Variants in IMMP2L observed in about 807,000 individuals in gnomAD.
The protein encoded by IMMP2L is mitochondrial inner membrane protease subunit 2.
A neutral mutation model predicts 19.3 loss-of-function variants in IMMP2L; 18 were observed. The observed-to-expected ratio is 0.93, with a 90% CI of 0.64 to 1.38. IMMP2L has a LOEUF of 1.38. IMMP2L is among the 40% of genes most tolerant of loss of function. The pLI, the probability that IMMP2L is intolerant of heterozygous loss-of-function variation, is 0.00. For missense variants in IMMP2L, 233 were observed against 218.2 expected (o/e 1.07, Z -0.43); for synonymous variants, 76 against 73.0 (o/e 1.04, Z -0.21).
intron 3 of IMMP2L, among the ~76,000 whole-genome samples, chr7:111,006,704 T>C (rs1011367246): frequency 3.9e-5 from 6 of 152,146 alleles, no homozygotes; most frequent in African/African-American, 9.7e-5. Flanking sequence ...CCTCCTTCTC[T>C]GAACCACTGC....
chr7:111,006,406 T>C (rs1177379045), intron 3 of IMMP2L, among the ~76,000 whole-genome samples: 1 of 152,208 alleles, frequency 6.6e-6, no homozygotes, highest in African/African-American at 2.4e-5. Context: ...CATAGACGCA[T>C]AGACTTTTAA....
At chr7:110,740,145 C>T (rs1796903137) in intron 5 of IMMP2L, among the ~76,000 whole-genome samples, 1 of 152,034 alleles carries the variant, frequency 6.6e-6, no homozygotes. Flanking sequence ...AAGGTCACAC[C>T]TCACAAAACT....
chr7:110,844,902 G>C (rs1805520294), intron 5 of IMMP2L, among the ~76,000 whole-genome samples: 1 of 151,910 alleles, frequency 6.6e-6, no homozygotes, highest in South Asian at 2.1e-4. Context: ...TGGAGTCAAA[G>C]TGCAATTAAG....
intron 3 of IMMP2L, among the ~76,000 whole-genome samples, chr7:111,243,518 T>TA (rs1198494918): frequency 1.9e-4 from 29 of 150,498 alleles, no homozygotes; most frequent in Non-Finnish European, 3.5e-4. Flanking sequence ...TGCTTTATTT[T>TA]TTTTTTTTTT....
At chr7:111,258,947 G>T (rs542000815) in intron 3 of IMMP2L, among the ~76,000 whole-genome samples, 1 of 152,222 alleles carries the variant, frequency 6.6e-6, no homozygotes, top group South Asian at 2.1e-4. Context: ...ATTATGTGAA[G>T]TGTACTTACA....
chr7:110,980,406 T>C (rs2129557931), intron 3 of IMMP2L, among the ~76,000 whole-genome samples: 1 of 151,848 alleles, frequency 6.6e-6, no homozygotes, highest in East Asian at 1.9e-4. Context: ...TTTTTTGTAT[T>C]TTTAGTAGAG....
At chr7:111,488,289 G>A (rs1056331946) in intron 2 of IMMP2L, among the ~76,000 whole-genome samples, 6 of 151,992 alleles carry the variant, frequency 3.9e-5, no homozygotes, top group Admixed American at 6.6e-5. Flanking sequence ...CCCATCACCC[G>A]AGCAACGTAC....
intron 3 of IMMP2L, among the ~76,000 whole-genome samples, chr7:111,224,099 C>G (rs1269694986): frequency 6.6e-6 from 1 of 152,048 alleles, no homozygotes; most frequent in Non-Finnish European, 1.5e-5. Flanking sequence ...CAACCCACTT[C>G]CCCCTCTCTC....
rs1179760098 is a variant in IMMP2L at position 110,805,026 on chromosome 7, C to T, written c.408+81567G>A. Among the ~76,000 whole-genome samples the T allele has an allele frequency of 2.6e-5, 4 of 152,092 alleles. No homozygotes were observed. The East Asian group carries it at 7.7e-4, about 29-fold the overall frequency. On this transcript the variant is annotated intron_variant, in intron 5 of 5. Transcript: ENST00000405709. ...ATCACCAGTGATGTCCTTCACGATACTGAACTGCCTGGAAAAAATTGACTT... is the reference window on the plus strand; with the variant it reads ...ATCACCAGTGATGTCCTTCACGATATTGAACTGCCTGGAAAAAATTGACTT...
At chr7:110,919,489 T>C (rs1814008834) in intron 4 of IMMP2L, among the ~76,000 whole-genome samples, 1 of 152,188 alleles carries the variant, frequency 6.6e-6, no homozygotes, top group Non-Finnish European at 1.5e-5. Context: ...TTCAGGATCA[T>C]TTACATTTAA....
At chr7:110,973,905 A>G (rs1281164964) in intron 3 of IMMP2L, among the ~76,000 whole-genome samples, 1 of 152,090 alleles carries the variant, frequency 6.6e-6, no homozygotes, top group Non-Finnish European at 1.5e-5. Flanking sequence ...AACTTTCTTT[A>G]AAGAAAGAGT....
chr7:111,360,746 AAGTCAAGGCTGC>A (rs1463381790), intron 3 of IMMP2L, among the ~76,000 whole-genome samples: 3 of 152,114 alleles, frequency 2.0e-5, no homozygotes, highest in Non-Finnish European at 4.4e-5. Flanking sequence ...TGAGCCCAGG[AAGTCAAGGCTGC>A]AGTGAGCTAT....
chr7:111,104,179 C>G (rs1272458117), intron 3 of IMMP2L, among the ~76,000 whole-genome samples: 3 of 151,566 alleles, frequency 2.0e-5, no homozygotes, highest in African/African-American at 7.3e-5. Context: ...ATGCACATAC[C>G]TGCCTTTACT....
At chr7:111,387,354 G>A (rs997224271) in intron 3 of IMMP2L, among the ~76,000 whole-genome samples, 2 of 151,954 alleles carry the variant, frequency 1.3e-5, no homozygotes, top group Non-Finnish European at 2.9e-5. Flanking sequence ...AGCTTTCTGT[G>A]GTATCATCAC....
At chr7:111,190,535 G>A (rs976450916) in intron 3 of IMMP2L, among the ~76,000 whole-genome samples, 1 of 152,026 alleles carries the variant, frequency 6.6e-6, no homozygotes, top group African/African-American at 2.4e-5. Flanking sequence ...TAGAACAATA[G>A]GAACGTAAGG....
At chr7:111,203,827 T>A (rs1318391688) in intron 3 of IMMP2L, among the ~76,000 whole-genome samples, 4 of 152,120 alleles carry the variant, frequency 2.6e-5, no homozygotes, top group Non-Finnish European at 4.4e-5. Flanking sequence ...AGCTCTCAAA[T>A]ATTTGAAAAA....
intron 3 of IMMP2L, among the ~76,000 whole-genome samples, chr7:111,441,720 T>TAAAAAAAA (rs11312650): frequency 1.4e-5 from 2 of 138,246 alleles, no homozygotes; most frequent in Non-Finnish European, 1.6e-5. Flanking sequence ...TTCAACTTGT[T>TAAAAAAAA]AAAAAAAAAA....
At chr7:110,873,182 A>G (rs1302424448) in intron 5 of IMMP2L, among the ~76,000 whole-genome samples, 1 of 152,062 alleles carries the variant, frequency 6.6e-6, no homozygotes, top group African/African-American at 2.4e-5. Context: ...TTGGGAGGCC[A>G]AGACATGTGG....
intron 3 of IMMP2L, among the ~76,000 whole-genome samples, chr7:111,027,068 A>T (rs544938045): frequency 6.6e-6 from 1 of 152,252 alleles, no homozygotes; most frequent in Non-Finnish European, 1.5e-5. Flanking sequence ...GTGTAACTTC[A>T]TTAGCAGTCT....
Sources: allele counts gnomAD v4.1 joint callset (sites outside exome capture counted in the v4.1 genomes callset), GRCh38; gene constraint gnomAD v4.1.1; transcripts MANE v1.5; gene names NCBI Gene and HGNC (gene_info 2026-07-23, HGNC 2026-07-21).